The following SP100 variants were observed in gnomAD, a reference collection of about 807,000 sequenced individuals.
The protein encoded by SP100 is nuclear autoantigen Sp-100.
SP100 carries 84 observed loss-of-function variants against 130.0 expected under a neutral mutation model. That is an observed-to-expected ratio of 0.65 (90% CI 0.54 to 0.77). SP100 has a LOEUF of 0.77. SP100 is among the 30% of genes least tolerant of loss of function. The pLI, the probability that SP100 is intolerant of heterozygous loss-of-function variation, is 0.00. For synonymous variants in SP100, 331 were observed against 351.7 expected (o/e 0.94, Z 0.66); for missense variants, 978 against 1,052.2 (o/e 0.93, Z 0.97).
intron 18 of SP100, among the ~76,000 whole-genome samples, chr2:230,495,047 C>T (rs1454737286): frequency 6.6e-6 from 1 of 152,204 alleles, no homozygotes; most frequent in Non-Finnish European, 1.5e-5. Flanking sequence ...CTCAGACTCT[C>T]CATTTATTCA....
chr2:230,479,075 C>A (rs1254747067), intron 17 of SP100, among the ~76,000 whole-genome samples: 1 of 152,222 alleles, frequency 6.6e-6, no homozygotes, highest in East Asian at 1.9e-4. Context: ...CCCGCCTTGG[C>A]TTCCCAAAGT....
chr2:230,444,630 A>T (rs2063614835), intron 4 of SP100, among the ~76,000 whole-genome samples: 1 of 152,208 alleles, frequency 6.6e-6, no homozygotes, highest in Non-Finnish European at 1.5e-5. Context: ...GAATCCCAAC[A>T]GGGCAGCTTC....
intron 9 of SP100, among the ~76,000 whole-genome samples, chr2:230,462,167 A>T (rs567656670): frequency 6.6e-6 from 1 of 152,120 alleles, no homozygotes; most frequent in South Asian, 2.1e-4. Flanking sequence ...GAGAAGTAAA[A>T]TGAGAGTGAA....
chr2:230,453,725 A>G (rs935650410), intron 8 of SP100, among the ~76,000 whole-genome samples: 5 of 152,178 alleles, frequency 3.3e-5, no homozygotes, highest in Non-Finnish European at 7.3e-5. Context: ...GATTTTTCAT[A>G]TACGTTTATC....
chr2:230,515,585 A>G, intron 24 of SP100: 1 of 1,602,016 alleles, frequency 6.2e-7, no homozygotes, highest in East Asian at 2.2e-5. Context: ...AAGGAAGAGG[A>G]AGAAGATGAA....
chr2:230,463,347 A>G (rs2064765425), intron 10 of SP100, among the ~76,000 whole-genome samples: 1 of 152,200 alleles, frequency 6.6e-6, no homozygotes, highest in African/African-American at 2.4e-5. Flanking sequence ...TTTATAACAT[A>G]AATACTTATC....
In SP100 at chr2:230,449,692, C is replaced by G; in HGVS notation, c.718C>G (p.Gln240Glu). The stretch of plus-strand genomic sequence containing the variant: ...CCAACAAACAAATGAACAATGTGCT[C>G]AAAAGGCTGAGCCAACAGGTAAGAC... Reference protein sequence around the residue: ...GSQQTNEQCAQKAEPTESCEQ... With the variant: ...GSQQTNEQCAEKAEPTESCEQ... Residue 240 changes from glutamine (Q) to glutamate (E), a missense_variant, in exon 7 of 29, where the codon CAA (glutamine) becomes GAA (glutamate). Gln to Glu is a conservative substitution (Grantham distance 29). Transcript: ENST00000340126. 1 of 1,614,066 alleles carries G rather than the reference C, an allele frequency of 6.2e-7. No homozygotes were observed. The highest frequency in any genetic ancestry group is 1.1e-5 in the South Asian group (1 of 91,064).
At chr2:230,455,598 G>T (rs1575642251) in intron 8 of SP100, among the ~76,000 whole-genome samples, 1 of 152,146 alleles carries the variant, frequency 6.6e-6, no homozygotes, top group South Asian at 2.1e-4. Flanking sequence ...TTTGATTGGA[G>T]AATTTAATTT....
chr2:230,432,038 C>G (rs1236667570), intron 2 of SP100, among the ~76,000 whole-genome samples: 1 of 152,168 alleles, frequency 6.6e-6, no homozygotes, highest in Non-Finnish European at 1.5e-5. Context: ...TATTTGGGAT[C>G]AATTCCTGCT....
chr2:230,489,522 G>C (rs2066284193), intron 17 of SP100, among the ~76,000 whole-genome samples: 1 of 151,288 alleles, frequency 6.6e-6, no homozygotes, highest in Non-Finnish European at 1.5e-5. Flanking sequence ...CTTCAATTCT[G>C]CTCTGATCTT....
intron 24 of SP100, among the ~76,000 whole-genome samples, chr2:230,511,875 T>A (rs1206378301): frequency 6.6e-6 from 1 of 152,172 alleles, no homozygotes; most frequent in African/African-American, 2.4e-5. Flanking sequence ...TAGGAATAAA[T>A]AAATTTTTTG....
intron 2 of SP100, among the ~76,000 whole-genome samples, chr2:230,436,258 T>C (rs2063262804): frequency 2.0e-5 from 3 of 152,208 alleles, no homozygotes; most frequent in Non-Finnish European, 2.9e-5. Flanking sequence ...TTTTTTTCAA[T>C]GTATGTCGTT....
intron 24 of SP100, among the ~76,000 whole-genome samples, chr2:230,534,572 CA>C (rs778198223): frequency 3.9e-5 from 6 of 152,170 alleles, no homozygotes; most frequent in African/African-American, 7.2e-5. Context: ...CTTATTTGCA[CA>C]TTAGGTTCCC....
chr2:230,424,395 G>A (rs1010653274), intron 2 of SP100, among the ~76,000 whole-genome samples: 3 of 152,120 alleles, frequency 2.0e-5, no homozygotes, highest in Non-Finnish European at 2.9e-5. Context: ...GGCTGGGTGC[G>A]GTGGCTCAGG....
At chr2:230,435,805 G>A (rs2063246073) in intron 2 of SP100, among the ~76,000 whole-genome samples, 1 of 151,994 alleles carries the variant, frequency 6.6e-6, no homozygotes, top group East Asian at 1.9e-4. Flanking sequence ...TTATAAGTGA[G>A]AACATGCAGT....
At position 230,544,517 on chromosome 2, in the gene SP100, C is replaced by T. The variant is rs148761169; in HGVS notation, c.*1571C>T. Reference sequence around the variant, plus strand: ...ACTTTTTTTTTTTAAGATGGAGTTTCACTCTTGTTGCCCAGGCCAGAGTGC... The same window carrying T: ...ACTTTTTTTTTTTAAGATGGAGTTTTACTCTTGTTGCCCAGGCCAGAGTGC... On this transcript the variant is annotated 3_prime_UTR_variant, in exon 29 of 29. Coordinates refer to ENST00000340126, the MANE Select transcript of SP100 (RefSeq NM_001080391.2). Among the ~76,000 whole-genome samples the T allele has an allele frequency of 0.016, 2,407 of 151,800 alleles. 33 individuals are homozygous for T. The highest frequency in any genetic ancestry group is 0.024 in the Non-Finnish European group (1,625 of 67,928).
At chr2:230,466,445 A>G in intron 12 of SP100, 91 bp downstream of exon 12, 1 of 754,196 alleles carries the variant, frequency 1.3e-6, no homozygotes, top group Non-Finnish European at 2.3e-6. Context: ...GAGTCAGTCT[A>G]ATTCCTTGCT....
chr2:230,469,964 A>T lies in SP100; in HGVS notation c.1346-51A>T, dbSNP rs1678162. On this transcript the variant is annotated intron_variant, in intron 14 of 28. Transcript: ENST00000340126. ...TTTGCTTTTAAAGAATTCCCTGCTG[A>T]TTCCTAAGACTCAGACTAAGACTGT... is the stretch of plus-strand genomic sequence containing the variant. 52 of 1,566,690 alleles carry T rather than the reference A, an allele frequency of 3.3e-5. 1 individual carries two copies. The highest frequency in any genetic ancestry group is 1.7e-4 in the Middle Eastern group (1 of 5,898).
At chr2:230,448,870 C>A (rs2063832555) in intron 5 of SP100, among the ~76,000 whole-genome samples, 1 of 152,144 alleles carries the variant, frequency 6.6e-6, no homozygotes, top group Non-Finnish European at 1.5e-5. Context: ...GGCCAAGGCC[C>A]CTGTCATCCA....
Sources: gnomAD v4.1 joint callset for allele counts (sites outside exome capture counted in the v4.1 genomes callset) on GRCh38, gnomAD v4.1.1 for gene constraint, MANE v1.5 for transcripts, NCBI Gene and HGNC (gene_info 2026-07-23, HGNC 2026-07-21) for gene names.